Variants in PRKCH observed in about 807,000 individuals in gnomAD.
The protein encoded by PRKCH is protein kinase C eta, also known as protein kinase C eta type.
A neutral mutation model predicts 82.5 loss-of-function variants in PRKCH; 28 were observed. The observed-to-expected ratio is 0.34, with a 90% CI of 0.25 to 0.47. The LOEUF (loss-of-function observed/expected upper bound fraction) is 0.47. Among genes scored for constraint, PRKCH ranks in the 20% least tolerant of loss-of-function variants. The pLI, the probability that PRKCH is intolerant of heterozygous loss-of-function variation, is 1.00. For synonymous variants in PRKCH, 322 were observed against 327.4 expected (o/e 0.98, Z 0.18); for missense variants, 705 against 881.8 (o/e 0.80, Z 2.54).
At chr14:61,344,015 C>T (rs572473784) in intron 1 of PRKCH, among the ~76,000 whole-genome samples, 1 of 152,094 alleles carries the variant, frequency 6.6e-6, no homozygotes, top group East Asian at 1.9e-4. Context: ...CAGTAATCTC[C>T]CTCATCATAC....
At chr14:61,385,954 A>G (rs2046581527) in intron 1 of PRKCH, among the ~76,000 whole-genome samples, 1 of 152,222 alleles carries the variant, frequency 6.6e-6, no homozygotes, top group Non-Finnish European at 1.5e-5. Context: ...ATTGATGGAC[A>G]AATAGGAGTT....
At chr14:61,538,253 CTG>C (rs1479367328) in intron 12 of PRKCH, among the ~76,000 whole-genome samples, 1 of 152,206 alleles carries the variant, frequency 6.6e-6, no homozygotes, top group Admixed American at 6.5e-5. Context: ...ACCTGGCAGA[CTG>C]TTGCCAGGAC....
At chr14:61,512,930 C>A (rs202067678) in intron 10 of PRKCH, among the ~76,000 whole-genome samples, 13,397 of 152,054 alleles carry the variant, frequency 0.088, 1,123 homozygotes, top group African/African-American at 0.22. Context: ...GATCCTTCCA[C>A]CTCAGTCTCC....
At position 61,463,926 on chromosome 14, in the gene PRKCH, T is replaced by G. The variant is rs558850093; in HGVS notation, c.1278+6247T>G. Reference sequence around the variant, plus strand: ...TTTCTTTTTAAAAGCTGAACAGTATTCTATTGTGTATATATTCCGTTGTTT... The same window carrying G: ...TTTCTTTTTAAAAGCTGAACAGTATGCTATTGTGTATATATTCCGTTGTTT... On this transcript the variant is annotated intron_variant, in intron 9 of 13. Coordinates refer to ENST00000332981, the MANE Select transcript of PRKCH (RefSeq NM_006255.5). Among the ~76,000 whole-genome samples the G allele has an allele frequency of 6.6e-5, 10 of 152,356 alleles. No homozygotes were observed. The East Asian group carries it at 1.3e-3, about 21-fold the overall frequency.
intron 2 of PRKCH, among the ~76,000 whole-genome samples, chr14:61,402,386 A>G (rs1881675336): frequency 6.6e-6 from 1 of 152,224 alleles, no homozygotes; most frequent in African/African-American, 2.4e-5. Flanking sequence ...ATCTGCAATT[A>G]TCTGAAAAAT....
At chr14:61,257,186 T>C (rs1190613818) in intron 1 of PRKCH, among the ~76,000 whole-genome samples, 1 of 152,170 alleles carries the variant, frequency 6.6e-6, no homozygotes, top group Non-Finnish European at 1.5e-5. Flanking sequence ...TTAGAAAAGG[T>C]GGTTTCTCCA....
intron 1 of PRKCH, among the ~76,000 whole-genome samples, chr14:61,269,430 T>C (rs527954223): frequency 1.3e-5 from 2 of 152,326 alleles, no homozygotes; most frequent in African/African-American, 4.8e-5. Context: ...ACTCACGTTA[T>C]GGGGTTTGTT....
intron 9 of PRKCH, chr14:61,463,270 C>T (rs1011918259): frequency 2.6e-5 from 4 of 152,142 alleles, no homozygotes; most frequent in African/African-American, 2.4e-5. Context: ...GTGATGACCC[C>T]CTCCATCCTC....
intron 2 of PRKCH, among the ~76,000 whole-genome samples, chr14:61,397,694 G>A (rs1466865988): frequency 2.0e-5 from 3 of 152,220 alleles, no homozygotes; most frequent in East Asian, 1.9e-4. Flanking sequence ...ATTGTTTACC[G>A]TCTTCCAAAT....
chr14:61,389,113 C>T (rs566234340), intron 1 of PRKCH, among the ~76,000 whole-genome samples: 22 of 152,288 alleles, frequency 1.4e-4, no homozygotes, highest in Admixed American at 1.3e-4. Flanking sequence ...TGGTGGCTCT[C>T]GCCTGTAATC....
intron 12 of PRKCH, chr14:61,537,802 T>C (rs2043131369): frequency 6.6e-6 from 1 of 152,244 alleles, no homozygotes. Context: ...TAAAGTGCTT[T>C]TGTTCCTAAG....
intron 1 of PRKCH, among the ~76,000 whole-genome samples, chr14:61,367,374 G>A (rs986441382): frequency 1.3e-5 from 2 of 151,780 alleles, no homozygotes; most frequent in African/African-American, 4.9e-5. Flanking sequence ...GTGTGTGTGT[G>A]TGTGTGTGTG....
chr14:61,436,767 G>A (rs1883699440), intron 2 of PRKCH, among the ~76,000 whole-genome samples: 1 of 152,196 alleles, frequency 6.6e-6, no homozygotes, highest in African/African-American at 2.4e-5. Flanking sequence ...CCTGACCTCA[G>A]GTCATCTGCC....
intron 1 of PRKCH, among the ~76,000 whole-genome samples, chr14:61,351,285 T>G (rs2046070223): frequency 6.6e-6 from 1 of 152,132 alleles, no homozygotes; most frequent in Admixed American, 6.5e-5. Context: ...TGGAAGAACA[T>G]GTTTATAAGT....
At chr14:61,331,343 T>A (rs1386826918) in intron 1 of PRKCH, among the ~76,000 whole-genome samples, 1 of 152,106 alleles carries the variant, frequency 6.6e-6, no homozygotes, top group Non-Finnish European at 1.5e-5. Context: ...ATATTAACTA[T>A]CCAATTTAAA....
rs766218812 is a variant in PRKCH at position 61,485,640 on chromosome 14, A to G, written c.1417A>G (p.Lys473Glu). Reference protein sequence around the residue: ...IISALMFLHDKGIIYRDLKLD... With the variant: ...IISALMFLHDEGIIYRDLKLD... ...TTCGGCTCTCATGTTCCTCCATGAT[A>G]AAGGAATCATCTATAGGTGAGTTTT... The change falls in exon 10 of 14, where the codon AAA (lysine) becomes GAA (glutamate). Residue 473 changes from lysine (K) to glutamate (E), a missense_variant. Lys to Glu is a moderately conservative substitution (Grantham distance 56). Coordinates refer to ENST00000332981, the MANE Select transcript of PRKCH (RefSeq NM_006255.5). The G allele has an allele frequency of 5.0e-6, 8 of 1,614,008 alleles. No homozygotes were observed. Among genetic ancestry groups the G allele is most frequent in the Non-Finnish European group, 6.8e-6 (8 of 1,179,926 alleles).
intron 1 of PRKCH, among the ~76,000 whole-genome samples, chr14:61,222,900 T>C (rs2044666222): frequency 6.6e-6 from 1 of 152,224 alleles, no homozygotes; most frequent in Admixed American, 6.5e-5. Context: ...TTATTCCCAG[T>C]GGCCAGTTTC....
rs1278428141 is a variant in PRKCH at position 61,391,207 on chromosome 14, T to G, written c.364-18T>G. The stretch of plus-strand genomic sequence containing the variant: ...TTTAAAACTAACATATAATATACAT[T>G]TTTTTTTCTCTTTGTAGGTGGATCT... On this transcript the variant is annotated intron_variant, in intron 1 of 13. Coordinates refer to ENST00000332981, the MANE Select transcript of PRKCH (RefSeq NM_006255.5). 1 of 1,597,220 alleles carries G rather than the reference T, an allele frequency of 6.3e-7. No homozygotes were observed. The highest frequency in any genetic ancestry group is 1.1e-5 in the South Asian group (1 of 88,852).
intron 1 of PRKCH, among the ~76,000 whole-genome samples, chr14:61,357,150 A>G (rs10483732): frequency 0.049 from 7,432 of 152,194 alleles, 530 homozygotes; most frequent in African/African-American, 0.16. Context: ...TTGGTCAGCA[A>G]CCCTCCAGGA....
Sources: gnomAD v4.1 joint callset for allele counts (sites outside exome capture counted in the v4.1 genomes callset) on GRCh38, gnomAD v4.1.1 for gene constraint, MANE v1.5 for transcripts, NCBI Gene and HGNC (gene_info 2026-07-23, HGNC 2026-07-21) for gene names.